The following ZNF706 variants were observed in gnomAD, a reference collection of about 807,000 sequenced individuals.
The protein encoded by ZNF706 is transcriptional regulator ZNF706.
ZNF706 carries 4 observed loss-of-function variants against 9.2 expected under a neutral mutation model. The ratio of observed to expected loss-of-function variants is 0.43; its 90% CI spans 0.21 to 0.99. The LOEUF (loss-of-function observed/expected upper bound fraction) is 0.99. Among genes scored for constraint, ZNF706 ranks in the 50% least tolerant of loss-of-function variants. The pLI is 0.26. For missense variants in ZNF706, 27 were observed against 87.8 expected, an observed-to-expected ratio of 0.31 and a Z score of 2.77; for synonymous variants, 28 against 27.3, an observed-to-expected ratio of 1.03 and a Z score of -0.08.
intron 1 of ZNF706, chr8:101,204,652 G>A (rs1810685633): frequency 1.0e-6 from 1 of 985,322 alleles, no homozygotes; most frequent in African/African-American, 1.7e-5. Flanking sequence ...ATACCTACAT[G>A]CTGGTTTTTA....
At chr8:101,205,700 T>C (rs1300299361), upstream of ZNF706, 1 of 153,932 alleles carries the variant, frequency 6.5e-6, no homozygotes, top group African/African-American at 2.4e-5. This position sits in a 1 kb window ranked among gnomAD's most constrained non-coding sequence, Gnocchi z 6.6. Context: ...CCGCCCCGCC[T>C]GCTCCTCGCA....
chr8:101,203,597 A>G (rs1810642920), intron 1 of ZNF706: 1 of 152,202 alleles, frequency 6.6e-6, no homozygotes, highest in Non-Finnish European at 1.5e-5. Context: ...AAAATATAAA[A>G]GAGGGTCAAT....
At chr8:101,199,386 T>A (rs1004911358) in intron 3 of ZNF706, 147 bp from the exon 4 acceptor site, 18 of 570,252 alleles carry the variant, frequency 3.2e-5, no homozygotes, top group Non-Finnish European at 2.5e-5. Context: ...TCTGAAGAAT[T>A]TATTTTAAAA....
At chr8:101,205,897 G>C (rs1248366555), upstream of ZNF706, 2 of 152,336 alleles carry the variant, frequency 1.3e-5, no homozygotes, top group Non-Finnish European at 2.9e-5. The surrounding 1 kb of genome is among the most constrained non-coding windows in gnomAD (Gnocchi z 6.6). Context: ...CCTCCTCTCC[G>C]GCGCGCTCGG....
chr8:101,203,558 G>A (rs576923516), intron 1 of ZNF706: 21 of 152,054 alleles, frequency 1.4e-4, no homozygotes, highest in Non-Finnish European at 2.8e-4. Context: ...GTTCCCACTA[G>A]CATTAAAAAA....
At position 101,205,234 on chromosome 8, in the gene ZNF706, G is replaced by A. The variant is rs1276693223; in HGVS notation, c.-3+201C>T. The stretch of plus-strand genomic sequence containing the variant: ...ACCGCTCCGCTTCCGCGGCTGGCCT[G>A]CGACCCGGCCACCTGCAGGGCCTGG... On this transcript the variant is annotated intron_variant, in intron 1 of 3. Transcript: ENST00000311212. This position sits in a 1 kb window ranked among gnomAD's most constrained non-coding sequence, Gnocchi z 6.6. 6.6e-6 allele frequency: 1 copy of A among 152,100 alleles called. No individual in the cohort carries two copies. Among genetic ancestry groups the A allele is most frequent in the East Asian group, 1.9e-4 (1 of 5,166 alleles). 9.4% of individuals were successfully genotyped at this position (152,100 alleles called of 1,614,324 possible). A position where few individuals can be genotyped will look rare whatever the true frequency, so the allele number is the denominator to read the frequency against.
Position 101,205,638 on chromosome 8 carries a change from G to A in ZNF706, c.-206C>T, listed in dbSNP as rs2232685. ...GCCCGCCGCCGCCTCAGCCTTAGGG[G>A]AGACCACTACGCCTCGTGCCCGCGC... On this transcript the variant is annotated 5_prime_UTR_variant, in exon 1 of 4. Transcript: ENST00000311212. This position sits in a 1 kb window ranked among gnomAD's most constrained non-coding sequence, Gnocchi z 6.6. 3,738 of 159,624 alleles carry A rather than the reference G, an allele frequency of 0.023. 66 individuals are homozygous for A. Among genetic ancestry groups the A allele is most frequent in the Middle Eastern group, 0.033 (12 of 362 alleles). 9.9% of individuals were successfully genotyped at this position (159,624 alleles called of 1,614,324 possible).
intron 3 of ZNF706, 55 bp downstream of exon 3, chr8:101,199,935 T>C: frequency 1.7e-6 from 2 of 1,183,976 alleles, no homozygotes; most frequent in Admixed American, 1.9e-5. Flanking sequence ...AAGACAGTTT[T>C]GGTCTTGTAT....
intron 1 of ZNF706, chr8:101,203,500 C>T (rs1269849185): frequency 6.6e-6 from 1 of 152,040 alleles, no homozygotes; most frequent in Non-Finnish European, 1.5e-5. Flanking sequence ...TACTGAGCTC[C>T]TCCTGTTCCC....
Position 101,201,549 on chromosome 8 carries a change from C to A in ZNF706, c.135+58G>T. The A allele has an allele frequency of 6.6e-7, 1 of 1,508,936 alleles. No individual in the cohort carries two copies. Among genetic ancestry groups the A allele is most frequent in the African/African-American group, 1.4e-5 (1 of 71,002 alleles). The allele number at this position is 1,508,936 out of a possible 1,614,324, so 93.5% of individuals were successfully genotyped here. Reference sequence around the variant, plus strand: ...TTTGCCATGGTTTCAAAATTTTAATCTATTCAAGCCAAAACTGCCCACGGG... The same window carrying A: ...TTTGCCATGGTTTCAAAATTTTAATATATTCAAGCCAAAACTGCCCACGGG... On this transcript the variant is annotated intron_variant, in intron 2 of 3. Transcript: ENST00000311212. The surrounding 1 kb of genome is among the most constrained non-coding windows in gnomAD (Gnocchi z 4.5).
At chr8:101,206,184 GC>G, upstream of ZNF706, 1 of 152,442 alleles carries the variant, frequency 6.6e-6, no homozygotes, top group Non-Finnish European at 1.5e-5. Context: ...GGACACCGCG[GC>G]CCCGGCCCCC....
rs146129908 is a variant in ZNF706, at chr8:101,201,036, C to T, written c.135+571G>A. The T allele has an allele frequency of 5.0e-6, 1 of 198,832 alleles. No individual in the cohort carries two copies. The highest frequency in any genetic ancestry group is 1.5e-4 in the East Asian group (1 of 6,812). The allele number at this position is 198,832 out of a possible 1,614,324, so 12.3% of individuals were successfully genotyped here. On this transcript the variant is annotated intron_variant, in intron 2 of 3. Coordinates refer to ENST00000311212, the MANE Select transcript of ZNF706 (RefSeq NM_016096.5). This position sits in a 1 kb window ranked among gnomAD's most constrained non-coding sequence, Gnocchi z 4.5. ...AATGAGAACAATAAAAGTACTTTAT[C>T]TTATAGGGTTGTTATGTGGATTAAA...
chr8:101,200,286 C>T (rs1255551611), intron 2 of ZNF706, 189 bp from the exon 3 acceptor site: 1 of 507,208 alleles, frequency 2.0e-6, no homozygotes, highest in African/African-American at 1.9e-5. Flanking sequence ...CCACATTTCA[C>T]CTATAAAGAA....
Position 101,197,570 on chromosome 8 carries a change from A to G in ZNF706, c.*1682T>C, listed in dbSNP as rs767809794. 6.6e-6 allele frequency: 1 copy of G among 152,086 alleles called. No homozygotes were observed. Among genetic ancestry groups the G allele is most frequent in the Non-Finnish European group, 1.5e-5 (1 of 67,992 alleles). 9.4% of individuals were successfully genotyped at this position (152,086 alleles called of 1,614,324 possible). ...AACCAAAACTTGTGAATGGTTTTAT[A>G]TGATTTGTCACTAAACATATACATA... On this transcript the variant is annotated 3_prime_UTR_variant, in exon 4 of 4. Transcript: ENST00000311212.
rs970323774 is a variant in ZNF706 at position 101,205,285 on chromosome 8, C to G, written c.-3+150G>C. 1.3e-4 allele frequency: 20 copies of G among 151,700 alleles called. No homozygotes were observed. Among genetic ancestry groups the G allele is most frequent in the African/African-American group, 4.8e-4 (20 of 41,492 alleles). The allele number at this position is 151,700 out of a possible 1,614,324, so 9.4% of individuals were successfully genotyped here. ...CAGGCGCCCGAACTCATCCCCTTCC[C>G]GCGGCCCGCCCCGGGCCGGGCCCTG... On this transcript the variant is annotated intron_variant, in intron 1 of 3. Coordinates refer to ENST00000311212, the MANE Select transcript of ZNF706 (RefSeq NM_016096.5). The surrounding 1 kb of genome is among the most constrained non-coding windows in gnomAD (Gnocchi z 6.6).
chr8:101,202,178 C>T (rs558797901), intron 1 of ZNF706, among the ~76,000 whole-genome samples: 24 of 151,398 alleles, frequency 1.6e-4, no homozygotes, highest in African/African-American at 4.9e-4. Flanking sequence ...CGGTGGCTCA[C>T]GCCTGTAATC....
chr8:101,202,453 C>T (rs763801429), intron 1 of ZNF706: 5 of 151,904 alleles, frequency 3.3e-5, no homozygotes, highest in Non-Finnish European at 5.9e-5. Context: ...AGACTCTGGT[C>T]TCAAAAATAA....
intron 3 of ZNF706, among the ~76,000 whole-genome samples, chr8:101,199,723 T>C (rs1254200589): frequency 6.6e-6 from 1 of 152,218 alleles, no homozygotes; most frequent in Non-Finnish European, 1.5e-5. Context: ...TTCTTTAAAC[T>C]GATAAGTTCC....
intron 2 of ZNF706, chr8:101,200,697 A>G (rs1445510378): frequency 6.5e-6 from 1 of 152,952 alleles, no homozygotes; most frequent in South Asian, 2.0e-4. Context: ...TAAAATTTGC[A>G]CCCTGCCTCT....
Sources: allele counts gnomAD v4.1 joint callset (sites outside exome capture counted in the v4.1 genomes callset), GRCh38; gene constraint gnomAD v4.1.1; non-coding constraint Gnocchi (gnomAD v3.1); transcripts MANE v1.5; gene names NCBI Gene and HGNC (gene_info 2026-07-23, HGNC 2026-07-21).